Variants in KATNAL2 observed in about 807,000 individuals in gnomAD.
KATNAL2 encodes the protein katanin catalytic subunit A1 like 2.
In KATNAL2, 52 loss-of-function variants were observed where a neutral mutation model predicts 76.3. The observed-to-expected ratio is 0.68, with a 90% CI of 0.55 to 0.86. The LOEUF is 0.86. Among genes scored for constraint, KATNAL2 ranks in the 40% least tolerant of loss-of-function variants. The pLI is 0.00. For missense variants in KATNAL2, 660 were observed against 668.9 expected (o/e 0.99, Z 0.15); for synonymous variants, 243 against 244.2 (o/e 1.00, Z 0.05).
chr18:47,088,171 G>C (rs2062855047), intron 15 of KATNAL2, among the ~76,000 whole-genome samples: 1 of 152,150 alleles, frequency 6.6e-6, no homozygotes, highest in Admixed American at 6.5e-5. Context: ...GGCTTGTCAT[G>C]GGGTGTTTGA....
Position 47,075,369 on chromosome 18 carries a change from GT to G in KATNAL2, c.1100+2del. 1 of 1,522,574 alleles carries G rather than the reference GT, an allele frequency of 6.6e-7. No individual in the cohort carries two copies. The highest frequency in any genetic ancestry group is 8.8e-7 in the Non-Finnish European group (1 of 1,141,506). The allele number at this position is 1,522,574 out of a possible 1,614,324, so 94.3% of individuals were successfully genotyped here. A position where few individuals can be genotyped will look rare whatever the true frequency, so the allele number is the denominator to read the frequency against. Reference sequence around the variant, plus strand: ...TGAGTCAGAGAGGCACAGCTTCTGGGTAACAGACAGGGTTGGGGTTTTTGTT... The same window carrying G: ...TGAGTCAGAGAGGCACAGCTTCTGGGAACAGACAGGGTTGGGGTTTTTGTT... On this transcript the variant is annotated splice_donor_variant, in intron 14 of 17. Coordinates refer to ENST00000683218, the MANE Select transcript of KATNAL2 (RefSeq NM_001387690.1). LOFTEE classifies it high-confidence loss of function.
At chr18:47,086,127 C>T (rs1304461323) in intron 15 of KATNAL2, among the ~76,000 whole-genome samples, 1 of 152,100 alleles carries the variant, frequency 6.6e-6, no homozygotes, top group Admixed American at 6.6e-5. Flanking sequence ...CTTTGTGACT[C>T]TCTATGAAAA....
chr18:47,096,660 G>T (rs1028678957), intron 15 of KATNAL2, among the ~76,000 whole-genome samples: 1 of 152,088 alleles, frequency 6.6e-6, no homozygotes, highest in African/African-American at 2.4e-5. Context: ...CTAACATACA[G>T]GAATTTCCTA....
At chr18:47,097,118 CAA>C (rs58101085) in intron 15 of KATNAL2, among the ~76,000 whole-genome samples, 45 of 70,894 alleles carry the variant, frequency 6.3e-4, no homozygotes, top group African/African-American at 1.2e-3. Context: ...GACCCTGGCT[CAA>C]AAAAAAAAAA....
At chr18:47,048,552 G>T (rs2061235917) in intron 4 of KATNAL2, among the ~76,000 whole-genome samples, 1 of 152,178 alleles carries the variant, frequency 6.6e-6, no homozygotes, top group African/African-American at 2.4e-5. Flanking sequence ...ATAGCAGTGG[G>T]GTGGAATTGA....
intron 1 of KATNAL2, among the ~76,000 whole-genome samples, chr18:46,928,912 C>T (rs908506297): frequency 1.3e-5 from 2 of 152,102 alleles, no homozygotes; most frequent in African/African-American, 4.8e-5. Flanking sequence ...TTTCCTGCCT[C>T]AGCCTCCTGA....
intron 1 of KATNAL2, among the ~76,000 whole-genome samples, chr18:46,924,265 G>C (rs1237045303): frequency 6.6e-6 from 1 of 152,100 alleles, no homozygotes; most frequent in Non-Finnish European, 1.5e-5. Flanking sequence ...AGGTGTAAGG[G>C]AGGGATCCAG....
At chr18:46,953,169 C>T (rs935738439) in intron 3 of KATNAL2, among the ~76,000 whole-genome samples, 5 of 152,180 alleles carry the variant, frequency 3.3e-5, no homozygotes, top group African/African-American at 1.2e-4. Context: ...GCTGGGATTA[C>T]AGGCGTGAGC....
rs554457606 is a variant in KATNAL2, at chr18:47,066,001, TA to T, written c.727-1012del. ...AAAATAAATAAAAATTTAAAAAATT[TA>T]AAAAAAATTTTAAAAAAATAAAAAT... On this transcript the variant is annotated intron_variant, in intron 10 of 17. Transcript: ENST00000683218. 8.6e-5 allele frequency among the ~76,000 whole-genome samples: 13 copies of T among 151,430 alleles called. No homozygotes were observed. The East Asian group carries it at 1.9e-3, about 23-fold the overall frequency.
chr18:47,033,065 T>C, intron 3 of KATNAL2: 2 of 1,614,142 alleles, frequency 1.2e-6, no homozygotes, highest in South Asian at 2.2e-5. Context: ...GGGGCCACTT[T>C]CTTGGCAGCC....
intron 15 of KATNAL2, among the ~76,000 whole-genome samples, chr18:47,094,835 C>T (rs1252014756): frequency 6.6e-6 from 1 of 152,132 alleles, no homozygotes; most frequent in African/African-American, 2.4e-5. Flanking sequence ...AGCCTGGAGA[C>T]CCTCCATTTT....
At chr18:47,035,237 C>A (rs2060712688) in intron 3 of KATNAL2, 2 of 1,612,686 alleles carry the variant, frequency 1.2e-6, no homozygotes, top group East Asian at 2.2e-5. Flanking sequence ...TTCTCCACTG[C>A]GTGCAGCGTA....
At chr18:46,928,693 C>T (rs1373024926) in intron 1 of KATNAL2, among the ~76,000 whole-genome samples, 1 of 151,676 alleles carries the variant, frequency 6.6e-6, no homozygotes, top group Non-Finnish European at 1.5e-5. Flanking sequence ...ATTTGGCCAT[C>T]TTGGCTCCTC....
intron 15 of KATNAL2, among the ~76,000 whole-genome samples, chr18:47,085,620 C>T (rs1052184854): frequency 2.6e-4 from 40 of 152,162 alleles, no homozygotes; most frequent in Admixed American, 2.4e-3. Flanking sequence ...GTCCCATGGC[C>T]GCCCCCAGAA....
chr18:46,936,363 C>A (rs2059090945), intron 1 of KATNAL2, among the ~76,000 whole-genome samples: 1 of 152,090 alleles, frequency 6.6e-6, no homozygotes, highest in African/African-American at 2.4e-5. Context: ...ACAGTCTGTG[C>A]ACAATTAAGC....
At chr18:47,031,398 A>G (rs540593047) in intron 3 of KATNAL2, among the ~76,000 whole-genome samples, 2 of 151,032 alleles carry the variant, frequency 1.3e-5, no homozygotes, top group Non-Finnish European at 2.9e-5. Flanking sequence ...TTCTCGTGTG[A>G]CTTTTTTTGT....
At chr18:46,927,467 T>A (rs1246489515) in intron 1 of KATNAL2, among the ~76,000 whole-genome samples, 1 of 152,220 alleles carries the variant, frequency 6.6e-6, no homozygotes, top group Non-Finnish European at 1.5e-5. Context: ...GTTAGTCTGA[T>A]GGGCTTCCCT....
chr18:47,084,337 A>G, intron 15 of KATNAL2: 1 of 702,942 alleles, frequency 1.4e-6, no homozygotes, highest in Non-Finnish European at 2.6e-6. Context: ...CATAGTAACC[A>G]CATGCATTTT....
chr18:47,035,168 T>C, intron 3 of KATNAL2: 3 of 1,612,218 alleles, frequency 1.9e-6, no homozygotes, highest in Non-Finnish European at 2.5e-6. Flanking sequence ...GCGGAGAGTT[T>C]CTGCAAATAT....
Sources: allele counts gnomAD v4.1 joint callset (sites outside exome capture counted in the v4.1 genomes callset), GRCh38; gene constraint gnomAD v4.1.1; transcripts MANE v1.5; gene names NCBI Gene and HGNC (gene_info 2026-07-23, HGNC 2026-07-21).